The following GRID2 variants were observed in gnomAD, a reference collection of about 807,000 sequenced individuals.
GRID2 encodes glutamate ionotropic receptor delta type subunit 2.
In GRID2, 33 loss-of-function variants were observed where a neutral mutation model predicts 114.8. That is an observed-to-expected ratio of 0.29 (90% CI 0.22 to 0.38). The LOEUF is 0.38. Among genes scored for constraint, GRID2 ranks in the 10% least tolerant of loss-of-function variants. The pLI is 1.00. For missense variants in GRID2, 1,184 were observed against 1,257.7 expected (o/e 0.94, Z 0.89); for synonymous variants, 505 against 449.9 (o/e 1.12, Z -1.55).
At chr4:93,192,272 A>C (rs1227894904) in intron 4 of GRID2, among the ~76,000 whole-genome samples, 1 of 152,214 alleles carries the variant, frequency 6.6e-6, no homozygotes, top group Non-Finnish European at 1.5e-5. Context: ...GAAGCCTTAC[A>C]ATAGGCCAAT....
chr4:92,817,961 T>C (rs191997491), intron 2 of GRID2, among the ~76,000 whole-genome samples: 4 of 152,312 alleles, frequency 2.6e-5, no homozygotes, highest in East Asian at 1.9e-4. Context: ...GCCAATGCTA[T>C]GTTTGCCGCT....
chr4:92,750,949 G>A (rs189726482), intron 2 of GRID2, among the ~76,000 whole-genome samples: 1 of 152,172 alleles, frequency 6.6e-6, no homozygotes, highest in East Asian at 1.9e-4. Flanking sequence ...ATAATGAGAT[G>A]ATTTCTAATG....
chr4:93,234,465 C>A (rs1207320656), intron 7 of GRID2, among the ~76,000 whole-genome samples: 1 of 152,056 alleles, frequency 6.6e-6, no homozygotes, highest in Non-Finnish European at 1.5e-5. Flanking sequence ...ACAGCATGAT[C>A]ACAATGCTTG....
At chr4:93,178,580 ATCTC>A (rs1326835582) in intron 4 of GRID2, among the ~76,000 whole-genome samples, 4 of 150,838 alleles carry the variant, frequency 2.7e-5, no homozygotes, top group Admixed American at 2.0e-4. Context: ...CAGAGAGAGG[ATCTC>A]TCTATGTTGC....
intron 2 of GRID2, among the ~76,000 whole-genome samples, chr4:92,832,514 C>T (rs1343527076): frequency 6.6e-6 from 1 of 152,014 alleles, no homozygotes; most frequent in Non-Finnish European, 1.5e-5. Context: ...CTGCCTCAGC[C>T]TCCAGAGTAC....
At chr4:93,489,198 A>G (rs1726730126) in intron 11 of GRID2, among the ~76,000 whole-genome samples, 1 of 151,964 alleles carries the variant, frequency 6.6e-6, no homozygotes, top group Non-Finnish European at 1.5e-5. Context: ...GTGGTGATAA[A>G]AGATTGTTAT....
intron 1 of GRID2, among the ~76,000 whole-genome samples, chr4:92,503,449 AT>A (rs1723791306): frequency 6.6e-6 from 1 of 152,170 alleles, no homozygotes; most frequent in Non-Finnish European, 1.5e-5. Flanking sequence ...TTCTATCCAA[AT>A]CCCTTGGTGT....
intron 13 of GRID2, among the ~76,000 whole-genome samples, chr4:93,593,888 C>A (rs571179357): frequency 6.6e-6 from 1 of 152,078 alleles, no homozygotes; most frequent in South Asian, 2.1e-4. Flanking sequence ...GTTCTCGAGC[C>A]TTGGTTTTCA....
intron 2 of GRID2, among the ~76,000 whole-genome samples, chr4:92,826,518 CA>C (rs1312113795): frequency 6.6e-6 from 1 of 151,848 alleles, no homozygotes. Context: ...GTGTAAGTTC[CA>C]AAAAGAAGTG....
chr4:92,634,932 A>T (rs1247964731), intron 2 of GRID2, among the ~76,000 whole-genome samples: 6 of 151,966 alleles, frequency 3.9e-5, no homozygotes, highest in African/African-American at 1.4e-4. Flanking sequence ...ACTGGGTCAG[A>T]CAGAAGTATT....
chr4:92,475,933 A>G (rs1296953022), intron 1 of GRID2, among the ~76,000 whole-genome samples: 3 of 151,496 alleles, frequency 2.0e-5, no homozygotes, highest in East Asian at 1.9e-4. Context: ...TTTATTGTAG[A>G]TATTGCAAAT....
chr4:93,233,332 ATTATT>A (rs1746361571), intron 7 of GRID2, among the ~76,000 whole-genome samples: 1 of 95,596 alleles, frequency 1.0e-5, no homozygotes, highest in African/African-American at 4.3e-5. Flanking sequence ...TATTATTATT[ATTATT>A]TTTTTTTTTA....
chr4:93,224,044 TTGTA>T (rs1339948388), intron 6 of GRID2, among the ~76,000 whole-genome samples: 1 of 152,150 alleles, frequency 6.6e-6, no homozygotes, highest in African/African-American at 2.4e-5. Context: ...CTGTATAATT[TTGTA>T]TAGATCCTTG....
At chr4:92,967,190 G>A (rs1241301799) in intron 2 of GRID2, among the ~76,000 whole-genome samples, 2 of 151,862 alleles carry the variant, frequency 1.3e-5, no homozygotes, top group Non-Finnish European at 2.9e-5. Flanking sequence ...TTAAATCTGG[G>A]AGCCTTGTGA....
intron 2 of GRID2, among the ~76,000 whole-genome samples, chr4:92,618,060 T>C (rs1193129827): frequency 6.6e-6 from 1 of 151,746 alleles, no homozygotes; most frequent in East Asian, 1.9e-4. Context: ...TGCCGGCGTT[T>C]TGAAGTCTTC....
intron 2 of GRID2, among the ~76,000 whole-genome samples, chr4:92,598,412 T>A (rs1729052920): frequency 6.6e-6 from 1 of 152,168 alleles, no homozygotes; most frequent in South Asian, 2.1e-4. Flanking sequence ...GTACTATTTT[T>A]AAACTCTTTA....
intron 10 of GRID2, among the ~76,000 whole-genome samples, chr4:93,429,094 C>T (rs1006611768): frequency 2.0e-5 from 3 of 152,182 alleles, no homozygotes; most frequent in East Asian, 1.9e-4. Flanking sequence ...GATCAAGAAT[C>T]GCCTACTGCC....
At chr4:92,343,320 T>C (rs543376927) in intron 1 of GRID2, among the ~76,000 whole-genome samples, 1 of 151,772 alleles carries the variant, frequency 6.6e-6, no homozygotes, top group Admixed American at 6.6e-5. Context: ...ATATATGTAA[T>C]ATTTACATAC....
chr4:92,964,638 A>G (rs942954297), intron 2 of GRID2, among the ~76,000 whole-genome samples: 1 of 152,038 alleles, frequency 6.6e-6, no homozygotes, highest in Non-Finnish European at 1.5e-5. Context: ...CTTCTACATC[A>G]GCACTTGCTG....
Sources: allele counts gnomAD v4.1 joint callset (sites outside exome capture counted in the v4.1 genomes callset), GRCh38; gene constraint gnomAD v4.1.1; transcripts MANE v1.5; gene names NCBI Gene and HGNC (gene_info 2026-07-23, HGNC 2026-07-21).